Variants in LARP4B observed in about 807,000 individuals in gnomAD.
The protein encoded by LARP4B is La ribonucleoprotein 4B.
LARP4B carries 12 observed loss-of-function variants against 89.8 expected under a neutral mutation model. The ratio of observed to expected loss-of-function variants is 0.13; its 90% CI spans 0.09 to 0.22. The LOEUF is 0.22. LARP4B is among the 10% of genes least tolerant of loss of function. The pLI, the probability that LARP4B is intolerant of heterozygous loss-of-function variation, is 1.00. For synonymous variants in LARP4B, 367 were observed against 363.3 expected (o/e 1.01, Z -0.12); for missense variants, 757 against 947.7 (o/e 0.80, Z 2.64).
intron 13 of LARP4B, 74 bp from the exon 14 acceptor site, chr10:820,919 C>T: frequency 7.7e-7 from 1 of 1,299,380 alleles, no homozygotes; most frequent in Non-Finnish European, 1.1e-6. Context: ...CGTTTGCACT[C>T]ACATAATCAA....
At chr10:910,527 G>C (rs888890997) in intron 1 of LARP4B, among the ~76,000 whole-genome samples, 3 of 152,178 alleles carry the variant, frequency 2.0e-5, no homozygotes, top group Non-Finnish European at 4.4e-5. Flanking sequence ...CCCATTCTTT[G>C]GCTGAACATC....
intron 3 of LARP4B, among the ~76,000 whole-genome samples, chr10:883,265 A>G (rs1835741971): frequency 6.6e-6 from 1 of 152,096 alleles, no homozygotes; most frequent in African/African-American, 2.4e-5. Flanking sequence ...TAATCCCAGC[A>G]CTTTGGGAGG....
At chr10:982,097 TTTC>T in the LARP4B span, among the ~76,000 whole-genome samples, 6 of 10,470 alleles carry the variant, frequency 5.7e-4, no homozygotes, top group Middle Eastern at 0.05. Flanking sequence ...ATAGCTTTTT[TTTC>T]TTTCTTTCTT....
chr10:843,239 T>C (rs1375676344), intron 6 of LARP4B, among the ~76,000 whole-genome samples, 171 bp from the exon 7 acceptor site: 1 of 152,240 alleles, frequency 6.6e-6, no homozygotes, highest in Non-Finnish European at 1.5e-5. Flanking sequence ...AGGTACATTT[T>C]TGCAAAATCT....
rs1478985876 is a variant in LARP4B, at chr10:810,727, T to C, written c.*2199A>G. Reference sequence around the variant, plus strand: ...CAGCTCGTAGGCCCAGGCCTCGAGGTTGCCTCCCAGCTTTCTGAGTATTGA... The same window carrying C: ...CAGCTCGTAGGCCCAGGCCTCGAGGCTGCCTCCCAGCTTTCTGAGTATTGA... On this transcript the variant is annotated 3_prime_UTR_variant, in exon 18 of 18. Transcript: ENST00000316157. The C allele has an allele frequency of 2.6e-5, 4 of 152,104 alleles. No homozygotes were observed. The highest frequency in any genetic ancestry group is 5.9e-5 in the Non-Finnish European group (4 of 68,030). 9.4% of individuals were successfully genotyped at this position (152,104 alleles called of 1,614,324 possible). A position where few individuals can be genotyped will look rare whatever the true frequency, so the allele number is the denominator to read the frequency against.
At chr10:969,011 G>A in the LARP4B span, among the ~76,000 whole-genome samples, 8 of 152,212 alleles carry the variant, frequency 5.3e-5, no homozygotes, top group Admixed American at 5.2e-4. Flanking sequence ...CATCTTCCGT[G>A]TGCCCTTGGG....
chr10:850,807 A>G (rs976209284), intron 5 of LARP4B, among the ~76,000 whole-genome samples: 1 of 152,218 alleles, frequency 6.6e-6, no homozygotes, highest in African/African-American at 2.4e-5. Flanking sequence ...GAAATTAATA[A>G]AAGAAAGATC....
At position 825,303 on chromosome 10, in the gene LARP4B, A is replaced by G. The variant is rs1325579040; in HGVS notation, c.1246T>C (p.Ser416Pro). Residue 416 changes from serine to proline, a missense_variant, in exon 13 of 18, where the codon TCT (serine) becomes CCT (proline). Ser to Pro is a moderately conservative substitution (Grantham distance 74). This residue lies in a region of LARP4B where 387 missense variants were observed against 423.6 expected (regional missense o/e 0.91). Coordinates refer to ENST00000316157, the MANE Select transcript of LARP4B (RefSeq NM_015155.3). ...YPPRSRNPSK[S>P]HLRHAIPSAE... ...CTAGGAATCGCATGCCGCAGATGAG[A>G]TTTACTAGGATTCCTGTAAATAAAA... The G allele has an allele frequency of 2.5e-6, 4 of 1,613,346 alleles. No homozygotes were observed. Among genetic ancestry groups the G allele is most frequent in the Non-Finnish European group, 3.4e-6 (4 of 1,179,440 alleles).
At chr10:865,872 C>T (rs1834872892) in intron 3 of LARP4B, among the ~76,000 whole-genome samples, 1 of 152,192 alleles carries the variant, frequency 6.6e-6, no homozygotes, top group Non-Finnish European at 1.5e-5. Context: ...TGGAATCAGG[C>T]TGCAAGCTGG....
chr10:966,053 GTT>G, the LARP4B span, among the ~76,000 whole-genome samples: 7 of 97,520 alleles, frequency 7.2e-5, no homozygotes, highest in East Asian at 2.1e-3. Flanking sequence ...GTATGTGTGG[GTT>G]TTGTGTGTGT....
chr10:877,189 G>A (rs1041377955), intron 3 of LARP4B, among the ~76,000 whole-genome samples: 4 of 152,094 alleles, frequency 2.6e-5, no homozygotes, highest in African/African-American at 7.2e-5. Flanking sequence ...AAATAGCCTC[G>A]CCAACACAGC....
chr10:816,742 A>T (rs1832082224), intron 15 of LARP4B, among the ~76,000 whole-genome samples: 1 of 152,242 alleles, frequency 6.6e-6, no homozygotes, highest in Non-Finnish European at 1.5e-5. Context: ...GAATGTACTC[A>T]ATCTCCAAAC....
chr10:987,655 G>A, the LARP4B span: 1 of 152,210 alleles, frequency 6.6e-6, no homozygotes, highest in East Asian at 1.9e-4. Context: ...TTAATTTAAG[G>A]GATGTGGCCC....
intron 1 of LARP4B, among the ~76,000 whole-genome samples, chr10:920,164 C>G (rs115289566): frequency 6.6e-6 from 1 of 152,222 alleles, no homozygotes; most frequent in Non-Finnish European, 1.5e-5. Context: ...ACAGCGACCA[C>G]AGTAAACTCT....
the LARP4B span, chr10:986,541 T>G: frequency 1.3e-5 from 2 of 152,282 alleles, no homozygotes; most frequent in Admixed American, 6.5e-5. Flanking sequence ...AGGATGTTGA[T>G]TCTCATCAAC....
the LARP4B span, among the ~76,000 whole-genome samples, chr10:983,084 T>C: frequency 6.6e-6 from 1 of 152,272 alleles, no homozygotes; most frequent in South Asian, 2.1e-4. Flanking sequence ...GGTTCGGATT[T>C]TCTAAACTTA....
chr10:895,632 C>A (rs1588971312), intron 1 of LARP4B, among the ~76,000 whole-genome samples: 1 of 144,568 alleles, frequency 6.9e-6, no homozygotes, highest in African/African-American at 2.6e-5. Flanking sequence ...GAAAGCGCAC[C>A]ACTATACTCC....
intron 1 of LARP4B, among the ~76,000 whole-genome samples, chr10:907,825 C>G (rs188974803): frequency 6.6e-6 from 1 of 152,320 alleles, no homozygotes; most frequent in East Asian, 1.9e-4. Context: ...TCAGCCCACT[C>G]CCAATCTCCA....
intron 5 of LARP4B, among the ~76,000 whole-genome samples, chr10:846,322 C>G (rs561281125): frequency 6.6e-6 from 1 of 152,306 alleles, no homozygotes; most frequent in South Asian, 2.1e-4. Flanking sequence ...TAACCAGTAA[C>G]TATACACATC....
Sources: allele counts gnomAD v4.1 joint callset (sites outside exome capture counted in the v4.1 genomes callset), GRCh38; gene constraint gnomAD v4.1.1; regional missense constraint gnomAD v4.1.1; transcripts MANE v1.5; gene names NCBI Gene and HGNC (gene_info 2026-07-23, HGNC 2026-07-21).